The following LIN9 variants were observed in gnomAD, a reference collection of about 807,000 sequenced individuals.
LIN9 encodes protein lin-9 homolog.
Under a neutral mutation model 78.0 loss-of-function variants are expected in LIN9, and 18 were observed. That is an observed-to-expected ratio of 0.23 (90% CI 0.16 to 0.34). The LOEUF is 0.34. LIN9 is among the 10% of genes least tolerant of loss of function. The probability of loss-of-function intolerance (pLI) is 1.00; values close to 1 mark genes in which losing one functional copy is unlikely to be tolerated. For synonymous variants in LIN9, 192 were observed against 215.2 expected (o/e 0.89, Z 0.94); for missense variants, 451 against 644.1 (o/e 0.70, Z 3.25).
At chr1:226,301,651 CCTTGAAAGTCT>C (rs1332485656) in intron 1 of LIN9, among the ~76,000 whole-genome samples, 5 of 152,128 alleles carry the variant, frequency 3.3e-5, no homozygotes, top group African/African-American at 1.2e-4. Context: ...GCAATAAGTC[CCTTGAAAGTCT>C]AGAATGCAGG....
chr1:226,256,141 G>A (rs1659174480), intron 10 of LIN9, among the ~76,000 whole-genome samples: 1 of 152,032 alleles, frequency 6.6e-6, no homozygotes, highest in African/African-American at 2.4e-5. Flanking sequence ...CCAGCACTTT[G>A]GGAGGCTAAG....
chr1:226,307,241 G>A (rs1013774518), intron 1 of LIN9, among the ~76,000 whole-genome samples: 1 of 152,202 alleles, frequency 6.6e-6, no homozygotes, highest in Non-Finnish European at 1.5e-5. Flanking sequence ...GAGGTGATAA[G>A]ACATGTTTAT....
At chr1:226,291,404 C>T (rs191745452) in intron 4 of LIN9, among the ~76,000 whole-genome samples, 1 of 151,940 alleles carries the variant, frequency 6.6e-6, no homozygotes, top group East Asian at 1.9e-4. Context: ...GGCACAATAC[C>T]ATGAAAATGA....
intron 10 of LIN9, among the ~76,000 whole-genome samples, chr1:226,254,816 C>CAGAA (rs1162041827): frequency 6.7e-6 from 1 of 148,490 alleles, no homozygotes; most frequent in African/African-American, 2.5e-5. Context: ...GAGGCTGAGG[C>CAGAA]AGAAGAATGG....
intron 3 of LIN9, 41 bp from the exon 4 acceptor site, chr1:226,295,987 C>G (rs1662122744): frequency 3.6e-6 from 5 of 1,400,782 alleles, no homozygotes; most frequent in Non-Finnish European, 5.0e-6. Context: ...AAGCCGAACC[C>G]TCCCATTTTT....
At chr1:226,284,742 G>C (rs1023096928) in intron 6 of LIN9, among the ~76,000 whole-genome samples, 1 of 152,022 alleles carries the variant, frequency 6.6e-6, no homozygotes, top group African/African-American at 2.4e-5. Context: ...AACAAAAAAG[G>C]CCTGTTAATA....
In LIN9 at chr1:226,233,115, T is replaced by C. The variant is rs756607749; in HGVS notation, c.1504A>G (p.Ile502Val). 5 of 1,593,774 alleles carry C rather than the reference T, an allele frequency of 3.1e-6. No homozygotes were observed. The highest frequency in any genetic ancestry group is 1.1e-5 in the South Asian group (1 of 87,548). The change falls in exon 14 of 15, where the codon ATA (isoleucine) becomes GTA (valine). Residue 502 changes from isoleucine to valine, a missense_variant. By Grantham distance (29) the Ile-to-Val change is conservative (BLOSUM62 3). Transcript: ENST00000681046. ...AATTACCTGATATTAGAAGCGTCTA[T>C]TGTACTCTTGATATCATTTAATGAG... is the stretch of plus-strand genomic sequence containing the variant. ...TDSLNDIKST[I>V]DASNISCFQN...
At chr1:226,301,111 C>T (rs1662509919) in intron 2 of LIN9, 62 bp downstream of exon 2, 3 of 1,247,606 alleles carry the variant, frequency 2.4e-6, no homozygotes, top group South Asian at 1.3e-5. Flanking sequence ...ACACTATATC[C>T]AGATTAATTT....
chr1:226,309,131 C>A lies in LIN9; in HGVS notation c.9G>T (p.Glu3Asp). The A allele has an allele frequency of 7.4e-7, 1 of 1,346,768 alleles. No homozygotes were observed. The highest frequency in any genetic ancestry group is 9.6e-7 in the Non-Finnish European group (1 of 1,036,446). The allele number at this position is 1,346,768 out of a possible 1,614,324, so 83.4% of individuals were successfully genotyped here. ...CACTCTCGTCAGGCAACTGGTCGAG[C>A]TCCGCCATCTTGAACGAGCCGCGCC... MA[E>D]LDQLPDESSS... Residue 3 changes from glutamate to aspartate, a missense_variant, in exon 1 of 15, where the codon GAG becomes GAT. By Grantham distance (45) the Glu-to-Asp change is conservative (BLOSUM62 2). Transcript: ENST00000681046.
At position 226,231,803 on chromosome 1, in the gene LIN9, T is replaced by G. The variant is rs896898693; in HGVS notation, c.*698A>C. The stretch of plus-strand genomic sequence containing the variant: ...ACATGCCAAATCCATTTTTAGAAAT[T>G]TAGCATTTTGCACCTTTTTTCCCCC... On this transcript the variant is annotated 3_prime_UTR_variant, in exon 15 of 15. Coordinates refer to ENST00000681046, the MANE Select transcript of LIN9 (RefSeq NM_001366245.2). 1 of 197,886 alleles carries G rather than the reference T, an allele frequency of 5.1e-6. No individual in the cohort carries two copies. The highest frequency in any genetic ancestry group is 1.0e-5 in the Non-Finnish European group (1 of 99,550). 12.3% of individuals were successfully genotyped at this position (197,886 alleles called of 1,614,324 possible).
intron 6 of LIN9, among the ~76,000 whole-genome samples, chr1:226,282,568 C>A (rs1661134314): frequency 6.6e-6 from 1 of 152,182 alleles, no homozygotes; most frequent in African/African-American, 2.4e-5. Flanking sequence ...CGCCTGTGAT[C>A]CCAGCACTTT....
At chr1:226,259,565 A>G (rs1363989374) in intron 10 of LIN9, among the ~76,000 whole-genome samples, 2 of 152,218 alleles carry the variant, frequency 1.3e-5, no homozygotes, top group South Asian at 2.1e-4. Flanking sequence ...TACCTTAACA[A>G]AATTAAAACA....
intron 7 of LIN9, among the ~76,000 whole-genome samples, chr1:226,275,704 A>G (rs555068119): frequency 2.1e-5 from 3 of 144,496 alleles, no homozygotes; most frequent in Non-Finnish European, 4.6e-5. Flanking sequence ...AAAAAAAAAA[A>G]AAAAAAAAGA....
intron 10 of LIN9, among the ~76,000 whole-genome samples, chr1:226,259,655 G>A (rs1040364574): frequency 2.6e-5 from 4 of 151,948 alleles, no homozygotes; most frequent in East Asian, 1.9e-4. Context: ...TGTAAAATCC[G>A]AAGATATGTC....
intron 10 of LIN9, among the ~76,000 whole-genome samples, chr1:226,257,393 C>A (rs1659273137): frequency 6.6e-6 from 1 of 152,156 alleles, no homozygotes; most frequent in South Asian, 2.1e-4. Context: ...ATTGTTCCAA[C>A]AGATAACAGT....
chr1:226,284,740 A>G (rs1435939429), intron 6 of LIN9, among the ~76,000 whole-genome samples: 1 of 152,148 alleles, frequency 6.6e-6, no homozygotes, highest in Non-Finnish European at 1.5e-5. Context: ...ACAACAAAAA[A>G]GGCCTGTTAA....
intron 10 of LIN9, among the ~76,000 whole-genome samples, chr1:226,254,113 TGTACAGATGGGGTCTCACTATGTTG>T (rs1389928313): frequency 6.6e-6 from 1 of 151,992 alleles, no homozygotes; most frequent in African/African-American, 2.4e-5. Context: ...TGTATTTTTT[TGTACAGATGGGGTCTCACTATGTTG>T]CCCAGGCTTG....
At chr1:226,275,742 G>A (rs931421892) in intron 7 of LIN9, among the ~76,000 whole-genome samples, 51 of 150,844 alleles carry the variant, frequency 3.4e-4, no homozygotes, top group Non-Finnish European at 6.2e-4. Context: ...TCTAGGCTGG[G>A]TGCAGCGGCT....
At chr1:226,262,915 A>G (rs777593537) in intron 10 of LIN9, among the ~76,000 whole-genome samples, 2 of 152,238 alleles carry the variant, frequency 1.3e-5, no homozygotes, top group Non-Finnish European at 2.9e-5. Flanking sequence ...ATGAGTAAAT[A>G]AACTGTGGTA....
Sources: gnomAD v4.1 joint callset for allele counts (sites outside exome capture counted in the v4.1 genomes callset) on GRCh38, gnomAD v4.1.1 for gene constraint, MANE v1.5 for transcripts, NCBI Gene and HGNC (gene_info 2026-07-23, HGNC 2026-07-21) for gene names.